Variants in CDC73 observed in about 807,000 individuals in gnomAD.
CDC73 encodes parafibromin.
In CDC73, 21 loss-of-function variants were observed where a neutral mutation model predicts 83.7. The observed-to-expected ratio is 0.25, with a 90% CI of 0.18 to 0.36. CDC73 has a LOEUF of 0.36. Ranked by LOEUF, CDC73 falls within the 10% of genes least tolerant of loss-of-function variation. CDC73 has a pLI of 1.00. For missense variants in CDC73, 342 were observed against 653.3 expected (o/e 0.52, Z 5.19); for synonymous variants, 224 against 212.9 (o/e 1.05, Z -0.45).
rs1051309196 is a variant in CDC73, at chr1:193,138,211, A to G, written c.512+38A>G. Reference sequence around the variant, plus strand: ...TTTAAGTAGAAAGTAGGTAGTTTAGATATATGTAAAAGTATAAGGAAAAGG... The same window carrying G: ...TTTAAGTAGAAAGTAGGTAGTTTAGGTATATGTAAAAGTATAAGGAAAAGG... On this transcript the variant is annotated intron_variant, in intron 6 of 16. Transcript: ENST00000367435. The G allele has an allele frequency of 3.9e-6, 5 of 1,287,792 alleles. No individual in the cohort carries two copies. The African/African-American group carries it at 5.8e-5, about 15-fold the overall frequency. 79.8% of individuals were successfully genotyped at this position (1,287,792 alleles called of 1,614,324 possible). A position where few individuals can be genotyped will look rare whatever the true frequency, so the allele number is the denominator to read the frequency against.
chr1:193,228,107 A>G (rs1677595158), intron 13 of CDC73, among the ~76,000 whole-genome samples: 1 of 152,320 alleles, frequency 6.6e-6, no homozygotes, highest in East Asian at 1.9e-4. Context: ...GCTCTAGAGT[A>G]TTATATACTT....
chr1:193,216,933 ATACC>A (rs1242493133), intron 13 of CDC73, among the ~76,000 whole-genome samples: 1 of 152,208 alleles, frequency 6.6e-6, no homozygotes, highest in East Asian at 1.9e-4. Flanking sequence ...TCAAAGGAAC[ATACC>A]TCAAACTAAT....
intron 7 of CDC73, among the ~76,000 whole-genome samples, chr1:193,145,272 A>G (rs112335995): frequency 0.026 from 3,872 of 148,670 alleles, 66 homozygotes; most frequent in Non-Finnish European, 0.038. Context: ...TTTAAGAACC[A>G]TTTATTGCAT....
chr1:193,205,534 TTTTG>T (rs1213542762), intron 11 of CDC73, among the ~76,000 whole-genome samples: 2 of 152,098 alleles, frequency 1.3e-5, no homozygotes, highest in African/African-American at 4.8e-5. Context: ...TGTTTTTGTT[TTTTG>T]TTTGACAGTA....
At chr1:193,221,658 T>C (rs1467114907) in intron 13 of CDC73, among the ~76,000 whole-genome samples, 1 of 152,160 alleles carries the variant, frequency 6.6e-6, no homozygotes, top group African/African-American at 2.4e-5. Flanking sequence ...TAGCAGAAAA[T>C]AGTGAATAGT....
At chr1:193,185,167 A>C (rs1203199421) in intron 10 of CDC73, among the ~76,000 whole-genome samples, 6 of 152,084 alleles carry the variant, frequency 3.9e-5, no homozygotes, top group Non-Finnish European at 8.8e-5. Flanking sequence ...TTTTTGTATC[A>C]AAGTATTTCC....
intron 9 of CDC73, among the ~76,000 whole-genome samples, chr1:193,151,316 A>G (rs142739647): frequency 6.6e-6 from 1 of 152,308 alleles, no homozygotes; most frequent in Non-Finnish European, 1.5e-5. Flanking sequence ...CATGCACTGG[A>G]TATGTGCCAT....
At chr1:193,232,905 A>G (rs537109448) in intron 13 of CDC73, 88 bp from the exon 14 acceptor site, 1 of 1,275,280 alleles carries the variant, frequency 7.8e-7, no homozygotes, top group Admixed American at 2.1e-5. Flanking sequence ...TCTGTCTCAA[A>G]AAAAAAAAAT....
chr1:193,237,868 A>G (rs902878551), intron 15 of CDC73, among the ~76,000 whole-genome samples: 3 of 152,314 alleles, frequency 2.0e-5, no homozygotes, highest in South Asian at 4.1e-4. Flanking sequence ...GGGCCCGGCA[A>G]CTGACATTAT....
At chr1:193,135,060 G>GTA (rs1252481193) in intron 3 of CDC73, among the ~76,000 whole-genome samples, 1 of 150,354 alleles carries the variant, frequency 6.7e-6, no homozygotes, top group Non-Finnish European at 1.5e-5. Flanking sequence ...ATGTGTGTGT[G>GTA]TATATATATA....
intron 7 of CDC73, among the ~76,000 whole-genome samples, chr1:193,147,510 G>A (rs550944732): frequency 6.2e-4 from 94 of 152,036 alleles, no homozygotes; most frequent in African/African-American, 2.2e-3. Context: ...TGGGACTACA[G>A]GCACCTGCCA....
In CDC73 at chr1:193,133,187, C is replaced by T. The variant is rs533948752; in HGVS notation, c.308-2204C>T. 1.7e-3 allele frequency among the ~76,000 whole-genome samples: 254 copies of T among 152,278 alleles called. 1 individual carries two copies. The highest frequency in any genetic ancestry group is 5.7e-3 in the African/African-American group (236 of 41,542). ...AAGTGCTGGGATTACAGGTGTGAGC[C>T]ACCGCGCCTGGCAGTTTTTATAGGA... On this transcript the variant is annotated intron_variant, in intron 3 of 16. Coordinates refer to ENST00000367435, the MANE Select transcript of CDC73 (RefSeq NM_024529.5).
chr1:193,201,355 T>C (rs1677087767), intron 10 of CDC73, among the ~76,000 whole-genome samples: 1 of 152,210 alleles, frequency 6.6e-6, no homozygotes, highest in Admixed American at 6.5e-5. Context: ...GTAGATATTA[T>C]AAAGTGTATT....
chr1:193,191,637 C>T (rs932049850), intron 10 of CDC73, among the ~76,000 whole-genome samples: 3 of 152,130 alleles, frequency 2.0e-5, no homozygotes, highest in Admixed American at 6.6e-5. Context: ...CTGCCCACCT[C>T]GTCCTCCCAA....
intron 15 of CDC73, among the ~76,000 whole-genome samples, chr1:193,248,119 T>C (rs1455452541): frequency 1.3e-5 from 2 of 152,046 alleles, no homozygotes; most frequent in Non-Finnish European, 2.9e-5. Context: ...ACTGACTCTT[T>C]TGTTAGGGGC....
chr1:193,218,162 A>C (rs1337929873), intron 13 of CDC73, among the ~76,000 whole-genome samples: 1 of 152,210 alleles, frequency 6.6e-6, no homozygotes, highest in African/African-American at 2.4e-5. Flanking sequence ...GTAGCCACAC[A>C]CTCACACATG....
chr1:193,123,511 GC>G (rs1675504957), intron 1 of CDC73, among the ~76,000 whole-genome samples: 1 of 152,210 alleles, frequency 6.6e-6, no homozygotes, highest in African/African-American at 2.4e-5. Flanking sequence ...ACAGGCGTGA[GC>G]CACGGCGCCC....
chr1:193,149,103 G>C (rs890704398), intron 8 of CDC73, among the ~76,000 whole-genome samples: 5 of 152,162 alleles, frequency 3.3e-5, no homozygotes, highest in Admixed American at 2.6e-4. Flanking sequence ...TCTCCATCAA[G>C]TACTTAAGTG....
intron 10 of CDC73, among the ~76,000 whole-genome samples, chr1:193,156,318 A>G (rs1306621820): frequency 6.6e-6 from 1 of 152,144 alleles, no homozygotes; most frequent in Non-Finnish European, 1.5e-5. Context: ...GTTCTTAGTG[A>G]GTATCATTGA....
Sources: gnomAD v4.1 joint callset for allele counts (sites outside exome capture counted in the v4.1 genomes callset) on GRCh38, gnomAD v4.1.1 for gene constraint, MANE v1.5 for transcripts, NCBI Gene and HGNC (gene_info 2026-07-23, HGNC 2026-07-21) for gene names.